The following LPP variants were observed in gnomAD, a reference collection of about 807,000 sequenced individuals.
LPP encodes lipoma-preferred partner.
LPP carries 38 observed loss-of-function variants against 60.4 expected under a neutral mutation model. The ratio of observed to expected loss-of-function variants is 0.63; its 90% CI spans 0.49 to 0.83. The LOEUF (loss-of-function observed/expected upper bound fraction) is 0.83. Among genes scored for constraint, LPP ranks in the 40% least tolerant of loss-of-function variants. The probability of loss-of-function intolerance (pLI) is 0.00; values close to 1 mark genes in which losing one functional copy is unlikely to be tolerated. For missense variants in LPP, 902 were observed against 783.6 expected (o/e 1.15, Z -1.80); for synonymous variants, 328 against 290.8 (o/e 1.13, Z -1.30).
At chr3:188,754,958 C>T (rs1349252609) in intron 8 of LPP, among the ~76,000 whole-genome samples, 1 of 152,144 alleles carries the variant, frequency 6.6e-6, no homozygotes, top group African/African-American at 2.4e-5. Context: ...AAAATAACTT[C>T]AGTAGCCATA....
chr3:188,698,294 C>T (rs1577078461), intron 7 of LPP, among the ~76,000 whole-genome samples: 2 of 152,040 alleles, frequency 1.3e-5, no homozygotes, highest in East Asian at 3.9e-4. Context: ...ACTTTTAGGT[C>T]ATGGGTCTTG....
At chr3:188,583,802 T>C (rs184247963) in intron 6 of LPP, among the ~76,000 whole-genome samples, 28 of 152,280 alleles carry the variant, frequency 1.8e-4, no homozygotes, top group Non-Finnish European at 3.2e-4. Flanking sequence ...TATCATAAAA[T>C]AGAATTTTCT....
chr3:188,748,333 G>A (rs902440309), intron 8 of LPP, among the ~76,000 whole-genome samples: 32 of 151,852 alleles, frequency 2.1e-4, no homozygotes, highest in African/African-American at 7.7e-4. Context: ...AGGTACCTAG[G>A]GCTGAGATTA....
In LPP at chr3:188,883,196, A is replaced by G. The variant is rs572993775; in HGVS notation, c.*8717A>G. On this transcript the variant is annotated 3_prime_UTR_variant, in exon 12 of 12. Coordinates refer to ENST00000617246, the MANE Select transcript of LPP (RefSeq NM_001375462.1). ...TTCCCCCCTCCTTTTCCTTCCATAT[A>G]TATTTGTTTTGTTTTGGGCATTGCA... The G allele has an allele frequency of 5.1e-5, 11 of 217,728 alleles. No homozygotes were observed. The highest frequency in any genetic ancestry group is 1.9e-4 in the South Asian group (1 of 5,372). The allele number at this position is 217,728 out of a possible 1,614,324, so 13.5% of individuals were successfully genotyped here. A position where few individuals can be genotyped will look rare whatever the true frequency, so the allele number is the denominator to read the frequency against.
Position 188,367,451 on chromosome 3 carries a change from T to C in LPP, c.-10+25732T>C, listed in dbSNP as rs1379043271. ...AGATCTGGTATAGATAAAAATAGAG[T>C]TAAACATACTAGTTAATAGATATAT... is the stretch of plus-strand genomic sequence containing the variant. On this transcript the variant is annotated intron_variant, in intron 3 of 11. Coordinates refer to ENST00000617246, the MANE Select transcript of LPP (RefSeq NM_001375462.1). 5.3e-5 allele frequency among the ~76,000 whole-genome samples: 8 copies of C among 152,178 alleles called. No homozygotes were observed. In the East Asian group the frequency reaches 1.5e-3, roughly 29 times the overall value.
intron 5 of LPP, among the ~76,000 whole-genome samples, chr3:188,520,612 A>G (rs1328663293): frequency 6.6e-6 from 1 of 152,168 alleles, no homozygotes; most frequent in East Asian, 1.9e-4. Context: ...AACTCCTTCT[A>G]GTCCCTCAGT....
chr3:188,701,712 A>G (rs1207344974), intron 7 of LPP, among the ~76,000 whole-genome samples: 1 of 151,272 alleles, frequency 6.6e-6, no homozygotes, highest in Non-Finnish European at 1.5e-5. Context: ...AAAGCATATT[A>G]GCCACTAAAT....
Position 188,884,750 on chromosome 3 carries a change from G to A in LPP, c.*10271G>A. ...CCACGATGTACGTTCCACAGAGGCA[G>A]AAACCGCCGTAGGTTAGCAATGCAT... On this transcript the variant is annotated 3_prime_UTR_variant, in exon 12 of 12. Transcript: ENST00000617246. 1 of 226,434 alleles carries A rather than the reference G, an allele frequency of 4.4e-6. No homozygotes were observed. The highest frequency in any genetic ancestry group is 6.3e-5 in the East Asian group (1 of 15,758). The allele number at this position is 226,434 out of a possible 1,614,324, so 14.0% of individuals were successfully genotyped here.
Position 188,872,723 on chromosome 3 carries a change from C to T in LPP, c.1670C>T (p.Ala557Val). The T allele has an allele frequency of 6.2e-7, 1 of 1,614,178 alleles. No homozygotes were observed. Among genetic ancestry groups the T allele is most frequent in the Non-Finnish European group, 8.5e-7 (1 of 1,180,048 alleles). Reference protein sequence around the residue: ...PGQEETVRIVALDRDFHVHCY... With the variant: ...PGQEETVRIVVLDRDFHVHCY... ...CAGGAGGAGACTGTCCGTATTGTGG[C>T]TTTGGATCGAGATTTCCATGTTCAC... is the stretch of plus-strand genomic sequence containing the variant. The change falls in exon 11 of 12, where the codon GCT becomes GTT. Residue 557 changes from alanine (A) to valine (V), a missense_variant. By Grantham distance (64) the Ala-to-Val change is moderately conservative. Coordinates refer to ENST00000617246, the MANE Select transcript of LPP (RefSeq NM_001375462.1).
At chr3:188,350,252 G>A (rs1765486028) in intron 3 of LPP, among the ~76,000 whole-genome samples, 1 of 152,218 alleles carries the variant, frequency 6.6e-6, no homozygotes, top group Non-Finnish European at 1.5e-5. Flanking sequence ...TCAAGACTTG[G>A]TGTGATGTGT....
intron 9 of LPP, among the ~76,000 whole-genome samples, chr3:188,781,908 AAT>A (rs200348533): frequency 0.085 from 12,218 of 143,848 alleles, 747 homozygotes; most frequent in African/African-American, 0.16. Context: ...AAAAAAAAAA[AAT>A]CTATCACCCC....
rs556970274 is a variant in LPP, at chr3:188,327,285, C to G, written c.-66-14378C>G. 2.0e-5 allele frequency among the ~76,000 whole-genome samples: 3 copies of G among 152,238 alleles called. No individual in the cohort carries two copies. The South Asian group carries it at 6.2e-4, about 32-fold the overall frequency. ...GAGCCTCTAATAATATACGGTTAGA[C>G]TACCATTATCTCTTTCGTGAACATT... On this transcript the variant is annotated intron_variant, in intron 2 of 11. Coordinates refer to ENST00000617246, the MANE Select transcript of LPP (RefSeq NM_001375462.1).
intron 1 of LPP, among the ~76,000 whole-genome samples, chr3:188,164,849 A>G (rs1719450993): frequency 6.6e-6 from 1 of 152,198 alleles, no homozygotes; most frequent in African/African-American, 2.4e-5. Flanking sequence ...ATCGTGTATC[A>G]GGTGCATCTG....
chr3:188,381,907 G>A (rs1370830904), intron 3 of LPP, among the ~76,000 whole-genome samples: 2 of 151,816 alleles, frequency 1.3e-5, no homozygotes, highest in Non-Finnish European at 2.9e-5. Context: ...TCAGCCTCCA[G>A]AGTAGCTCTG....
At chr3:188,393,817 T>C (rs1780271350) in intron 3 of LPP, among the ~76,000 whole-genome samples, 1 of 152,174 alleles carries the variant, frequency 6.6e-6, no homozygotes, top group Non-Finnish European at 1.5e-5. Flanking sequence ...ATAGATAAAG[T>C]AGATACCAAT....
chr3:188,227,586 A>C (rs1318771194), intron 2 of LPP, among the ~76,000 whole-genome samples: 4 of 151,992 alleles, frequency 2.6e-5, no homozygotes, highest in African/African-American at 9.7e-5. Context: ...CAAACCTAGA[A>C]CACCTGGAAA....
chr3:188,862,756 A>G (rs1328189248), intron 9 of LPP, among the ~76,000 whole-genome samples: 1 of 145,234 alleles, frequency 6.9e-6, no homozygotes, highest in Non-Finnish European at 1.5e-5. Flanking sequence ...AAGAAAAGAA[A>G]GAAAGAAAAA....
At chr3:188,584,701 T>G (rs1439846298) in intron 6 of LPP, among the ~76,000 whole-genome samples, 1 of 152,026 alleles carries the variant, frequency 6.6e-6, no homozygotes, top group Non-Finnish European at 1.5e-5. Context: ...TACATCCTGT[T>G]CCCTTGCTTG....
intron 9 of LPP, among the ~76,000 whole-genome samples, chr3:188,761,403 C>T (rs1047158936): frequency 6.6e-6 from 1 of 152,116 alleles, no homozygotes; most frequent in African/African-American, 2.4e-5. Flanking sequence ...TTGCATCTGT[C>T]TTAGGTTCAA....
Sources: allele counts gnomAD v4.1 joint callset (sites outside exome capture counted in the v4.1 genomes callset), GRCh38; gene constraint gnomAD v4.1.1; transcripts MANE v1.5; gene names NCBI Gene and HGNC (gene_info 2026-07-23, HGNC 2026-07-21).